The following ASB14 variants were observed in gnomAD, a reference collection of about 807,000 sequenced individuals.
The protein encoded by ASB14 is ankyrin repeat and SOCS box protein 14.
Under a neutral mutation model 55.6 loss-of-function variants are expected in ASB14, and 63 were observed. The ratio of observed to expected loss-of-function variants is 1.13; its 90% CI spans 0.92 to 1.40. ASB14 has a LOEUF of 1.40. ASB14 is among the 40% of genes most tolerant of loss of function. The pLI is 0.00. For missense variants in ASB14, 724 were observed against 710.4 expected (o/e 1.02, Z -0.22); for synonymous variants, 256 against 259.9 (o/e 0.98, Z 0.15).
rs2060990057 is a variant in ASB14, at chr3:57,276,683, T to A, written c.1631A>T (p.Lys544Ile). The A allele has an allele frequency of 3.7e-6, 6 of 1,613,942 alleles. No homozygotes were observed. The highest frequency in any genetic ancestry group is 5.1e-6 in the Non-Finnish European group (6 of 1,179,974). ...GCGCAAATGTAACCGTCCCATGCATTTCCGGATCTTTAGGCGGCACAAATG... is the reference window on the plus strand; with the variant it reads ...GCGCAAATGTAACCGTCCCATGCATATCCGGATCTTTAGGCGGCACAAATG... ...LKHLCRLKIR[K>I]CMGRLHLRCP... Residue 544 changes from lysine to isoleucine, a missense_variant, in exon 10 of 11, where the codon AAA becomes ATA. By Grantham distance (102) the Lys-to-Ile change is moderately radical. Coordinates refer to ENST00000487349, the MANE Select transcript of ASB14 (RefSeq NM_001142733.3).
intron 2 of ASB14, among the ~76,000 whole-genome samples, chr3:57,290,871 GATT>G (rs2061123082): frequency 1.3e-5 from 2 of 152,130 alleles, no homozygotes; most frequent in African/African-American, 4.8e-5. Flanking sequence ...AATATTTAAA[GATT>G]ATTTTAAAAA....
chr3:57,272,103 C>G (rs1431152786), intron 10 of ASB14: 1 of 152,152 alleles, frequency 6.6e-6, no homozygotes, highest in Non-Finnish European at 1.5e-5. Context: ...TTCAGACTTA[C>G]ACTTAATGGT....
At chr3:57,286,210 T>TC (rs1372769872) in intron 5 of ASB14, among the ~76,000 whole-genome samples, 2 of 152,098 alleles carry the variant, frequency 1.3e-5, no homozygotes, top group African/African-American at 4.8e-5. Flanking sequence ...TTCCTTTTTT[T>TC]CTCTCAGGAA....
At chr3:57,281,375 G>T (rs2061039164) in intron 6 of ASB14, among the ~76,000 whole-genome samples, 1 of 148,604 alleles carries the variant, frequency 6.7e-6, no homozygotes, top group African/African-American at 2.4e-5. Flanking sequence ...GCTGGGAGGT[G>T]AAGGAAGGAG....
chr3:57,269,574 T>TC lies in ASB14; in HGVS notation c.*66dup, dbSNP rs780586582. On this transcript the variant is annotated 3_prime_UTR_variant, in exon 11 of 11. Coordinates refer to ENST00000487349, the MANE Select transcript of ASB14 (RefSeq NM_001142733.3). ...AGAACAAAGTCGGTTGATAGCTGCT[T>TC]CCAGTAGACCAAACCAAGCCAGTAG... 6.2e-7 allele frequency: 1 copy of TC among 1,613,942 alleles called. No homozygotes were observed. Among genetic ancestry groups the TC allele is most frequent in the African/African-American group, 1.3e-5 (1 of 74,916 alleles).
Position 57,283,202 on chromosome 3 carries a change from A to C in ASB14, c.707T>G (p.Leu236Arg). ...CAAACAGAAGATCTTGCCTTTCCGC[A>C]GTAACATTTCCATGATTTCAGTGTG... The part of the protein sequence containing the change: ...SGHTEIMEML[L>R]RKGANAHGQA... Residue 236 changes from leucine (L) to arginine (R), a missense_variant, in exon 6 of 11, where the codon CTG becomes CGG. By Grantham distance (102) the Leu-to-Arg change is moderately radical. Coordinates refer to ENST00000487349, the MANE Select transcript of ASB14 (RefSeq NM_001142733.3). 1 of 1,552,254 alleles carries C rather than the reference A, an allele frequency of 6.4e-7. No homozygotes were observed. Among genetic ancestry groups the C allele is most frequent in the Non-Finnish European group, 8.7e-7 (1 of 1,147,046 alleles).
chr3:57,292,216 TAA>T, intron 1 of ASB14, 112 bp from the exon 2 acceptor site: 1 of 786,330 alleles, frequency 1.3e-6, no homozygotes, highest in South Asian at 2.4e-5. Flanking sequence ...TCTATAAACT[TAA>T]AAAAGTTTTG....
At chr3:57,274,171 C>G (rs895760806) in intron 10 of ASB14, among the ~76,000 whole-genome samples, 7 of 152,058 alleles carry the variant, frequency 4.6e-5, no homozygotes, top group Non-Finnish European at 7.4e-5. Context: ...GAAAAAAAAT[C>G]ATATAGCTTC....
Position 57,268,515 on chromosome 3 carries a change from A to T in ASB14, c.*1126T>A, listed in dbSNP as rs1200938064. The T allele has an allele frequency of 6.4e-7, 1 of 1,554,218 alleles. No individual in the cohort carries two copies. The highest frequency in any genetic ancestry group is 8.6e-7 in the Non-Finnish European group (1 of 1,156,378). On this transcript the variant is annotated 3_prime_UTR_variant, in exon 11 of 11. Transcript: ENST00000487349. The stretch of plus-strand genomic sequence containing the variant: ...ATACAGTCCTAATGTCTGGATCTTT[A>T]TGTGTTGTTTGTGAAGACTTAATTC...
At chr3:57,289,404 A>C (rs1047388797) in intron 2 of ASB14, among the ~76,000 whole-genome samples, 1 of 152,212 alleles carries the variant, frequency 6.6e-6, no homozygotes, top group African/African-American at 2.4e-5. Context: ...GTAGGCCCTT[A>C]ATCAGCGTTG....
At chr3:57,289,226 G>A in intron 2 of ASB14, 103 bp from the exon 3 acceptor site, 5 of 765,744 alleles carry the variant, frequency 6.5e-6, no homozygotes, top group Non-Finnish European at 6.4e-6. Flanking sequence ...AGTTAATCCG[G>A]GATGAACTTT....
chr3:57,278,423 G>A lies in ASB14; in HGVS notation c.1385C>T (p.Ser462Phe), dbSNP rs1454472790. 2 of 1,614,026 alleles carry A rather than the reference G, an allele frequency of 1.2e-6. No individual in the cohort carries two copies. The highest frequency in any genetic ancestry group is 1.3e-5 in the African/African-American group (1 of 74,918). ...AGATGTCCAGCCTTCAACAGTATAG[G>A]AAGGATGGACTTTGTCTCCATGTGG... ...DCPHGDKVHP[S>F]YTVEGWTSTV... Residue 462 changes from serine (S) to phenylalanine (F), a missense_variant, in exon 8 of 11, where the codon TCC becomes TTC. Physicochemically the swap from Ser to Phe is radical, Grantham distance 155. Transcript: ENST00000487349.
At chr3:57,274,088 T>TA (rs1002625863) in intron 10 of ASB14, among the ~76,000 whole-genome samples, 3 of 152,110 alleles carry the variant, frequency 2.0e-5, no homozygotes, top group African/African-American at 4.8e-5. Context: ...TTTTTTAATG[T>TA]AAAAAAACTA....
At position 57,269,477 on chromosome 3, in the gene ASB14, A is replaced by G; in HGVS notation, c.*164T>C. On this transcript the variant is annotated 3_prime_UTR_variant, in exon 11 of 11. Coordinates refer to ENST00000487349, the MANE Select transcript of ASB14 (RefSeq NM_001142733.3). The stretch of plus-strand genomic sequence containing the variant: ...AAGTGGCTCTCAAGAATGTATCTTA[A>G]CTGCATAATTTGCCATTTGACTGCA... The G allele has an allele frequency of 6.4e-7, 1 of 1,571,204 alleles. No homozygotes were observed.
chr3:57,287,954 T>C lies in ASB14; in HGVS notation c.416A>G (p.Asn139Ser), dbSNP rs753099618. 8.5e-6 allele frequency: 13 copies of C among 1,537,130 alleles called. No homozygotes were observed. The Admixed American group carries it at 9.8e-5, about 12-fold the overall frequency. The change falls in exon 5 of 11, where the codon AAT (asparagine) becomes AGT (serine). Residue 139 changes from asparagine to serine, a missense_variant. Asn to Ser is a conservative substitution (Grantham distance 46). Transcript: ENST00000487349. The stretch of plus-strand genomic sequence containing the variant: ...ATTCTTAGCATTTGGATTGCAGCCA[T>C]TGAGAAGAAGAAAAGTGGCATTTTC... ...LLENATFLLL[N>S]GCNPNAKNFE...
At chr3:57,286,798 T>C (rs1013803322) in intron 5 of ASB14, among the ~76,000 whole-genome samples, 1 of 152,198 alleles carries the variant, frequency 6.6e-6, no homozygotes, top group Non-Finnish European at 1.5e-5. Flanking sequence ...TCTTGACTTA[T>C]TGCATTGGCC....
At chr3:57,281,454 A>G (rs757745347) in intron 6 of ASB14, among the ~76,000 whole-genome samples, 8 of 152,162 alleles carry the variant, frequency 5.3e-5, no homozygotes, top group Non-Finnish European at 8.8e-5. Context: ...TAGCATTTGA[A>G]TGGACAAAAG....
intron 9 of ASB14, among the ~76,000 whole-genome samples, chr3:57,277,218 G>C (rs1251587219): frequency 6.8e-6 from 1 of 148,012 alleles, no homozygotes; most frequent in Admixed American, 6.8e-5. Context: ...AGTGAGCTGT[G>C]ATTGCACCAC....
Position 57,278,408 on chromosome 3 carries a change from C to G in ASB14, c.1400G>C (p.Gly467Ala). Reference protein sequence around the residue: ...DKVHPSYTVEGWTSTVIKDTK... With the variant: ...DKVHPSYTVEAWTSTVIKDTK... ...ATCTTTGATAACTGTAGATGTCCAG[C>G]CTTCAACAGTATAGGAAGGATGGAC... The change falls in exon 8 of 11, where the codon GGC becomes GCC. Residue 467 changes from glycine to alanine, a missense_variant. Transcript: ENST00000487349. 6.2e-7 allele frequency: 1 copy of G among 1,614,000 alleles called. No individual in the cohort carries two copies. The highest frequency in any genetic ancestry group is 1.1e-5 in the South Asian group (1 of 91,058).
Sources: gnomAD v4.1 joint callset for allele counts (sites outside exome capture counted in the v4.1 genomes callset) on GRCh38, gnomAD v4.1.1 for gene constraint, MANE v1.5 for transcripts, NCBI Gene and HGNC (gene_info 2026-07-23, HGNC 2026-07-21) for gene names.